TENM4: variants seen among roughly 807,000 people sequenced by gnomAD.
TENM4 encodes teneurin transmembrane protein 4.
Under a neutral mutation model 243.3 loss-of-function variants are expected in TENM4, and 82 were observed. The observed-to-expected ratio is 0.34, with a 90% CI of 0.28 to 0.40. The LOEUF (loss-of-function observed/expected upper bound fraction) is 0.40. Among genes scored for constraint, TENM4 ranks in the 10% least tolerant of loss-of-function variants. The pLI is 1.00. For synonymous variants in TENM4, 1,412 were observed against 1,456.3 expected (o/e 0.97, Z 0.69); for missense variants, 3,138 against 3,673.3 (o/e 0.85, Z 3.77).
At chr11:79,259,667 A>G (rs1224891672) in intron 2 of TENM4, among the ~76,000 whole-genome samples, 1 of 104,690 alleles carries the variant, frequency 9.6e-6, no homozygotes, top group Non-Finnish European at 1.9e-5. Flanking sequence ...CTATCCATCC[A>G]TCCATCCATC....
chr11:79,401,593 C>T (rs1858463049), intron 1 of TENM4, among the ~76,000 whole-genome samples: 1 of 152,240 alleles, frequency 6.6e-6, no homozygotes, highest in Non-Finnish European at 1.5e-5. Flanking sequence ...CCATTAGAGG[C>T]AACCACTAAT....
At chr11:78,745,800 C>T (rs775611339) in intron 19 of TENM4, among the ~76,000 whole-genome samples, 21 of 152,256 alleles carry the variant, frequency 1.4e-4, no homozygotes, top group Middle Eastern at 3.4e-3. Context: ...TTTTTGTATA[C>T]AAAATAAACT....
intron 6 of TENM4, among the ~76,000 whole-genome samples, chr11:78,989,130 T>A (rs1269609974): frequency 1.3e-5 from 2 of 152,248 alleles, no homozygotes; most frequent in African/African-American, 4.8e-5. Context: ...ATTTGCAACT[T>A]GTTTATTAAT....
At chr11:79,080,756 C>A (rs143798607) in intron 4 of TENM4, among the ~76,000 whole-genome samples, 1 of 152,286 alleles carries the variant, frequency 6.6e-6, no homozygotes, top group Non-Finnish European at 1.5e-5. Flanking sequence ...GTACTTCAGG[C>A]CCCAGGGAAA....
chr11:79,220,909 CT>C (rs1233756831), intron 2 of TENM4: 5 of 152,172 alleles, frequency 3.3e-5, no homozygotes, highest in African/African-American at 1.2e-4. Context: ...TAAGCAACAC[CT>C]TTAGGAGCAC....
chr11:78,810,325 A>G (rs1438762129), intron 14 of TENM4, among the ~76,000 whole-genome samples: 2 of 152,244 alleles, frequency 1.3e-5, no homozygotes, highest in East Asian at 3.9e-4. Context: ...AGTTCCAGAC[A>G]TTTTTTTCTC....
At chr11:78,794,490 G>A (rs547794003) in intron 15 of TENM4, among the ~76,000 whole-genome samples, 4 of 152,348 alleles carry the variant, frequency 2.6e-5, no homozygotes, top group African/African-American at 9.6e-5. Flanking sequence ...GCCCCCTGGC[G>A]AATGAGAGCG....
At chr11:78,826,718 A>C (rs976032877) in intron 12 of TENM4, among the ~76,000 whole-genome samples, 2 of 152,200 alleles carry the variant, frequency 1.3e-5, no homozygotes, top group African/African-American at 4.8e-5. Flanking sequence ...CAAAAATTTG[A>C]ATTAGTTGCC....
intron 28 of TENM4, among the ~76,000 whole-genome samples, chr11:78,690,971 C>A (rs946958518): frequency 6.6e-6 from 1 of 152,168 alleles, no homozygotes; most frequent in African/African-American, 2.4e-5. Flanking sequence ...CACTGCAAAG[C>A]CATTTGTGGA....
intron 1 of TENM4, among the ~76,000 whole-genome samples, chr11:79,371,637 C>G (rs762282702): frequency 5.9e-5 from 9 of 152,204 alleles, no homozygotes; most frequent in Non-Finnish European, 1.2e-4. Context: ...CCTAGCCATG[C>G]CCCTCCCCAG....
rs1031695663 is a variant in TENM4 at position 78,912,730 on chromosome 11, C to T, written c.494-9207G>A. ...AATTGAGGGAAGAACAGAGTTTTGG[C>T]AACTGCCAGAGAGAGGTGTAATCAA... On this transcript the variant is annotated intron_variant, in intron 6 of 33. Coordinates refer to ENST00000278550, the MANE Select transcript of TENM4 (RefSeq NM_001098816.3). Among the ~76,000 whole-genome samples the T allele has an allele frequency of 2.6e-5, 4 of 152,198 alleles. No homozygotes were observed. The East Asian group carries it at 7.7e-4, about 29-fold the overall frequency.
chr11:78,800,209 G>A (rs1857252542), intron 15 of TENM4, among the ~76,000 whole-genome samples: 1 of 152,190 alleles, frequency 6.6e-6, no homozygotes, highest in African/African-American at 2.4e-5. Flanking sequence ...TAAAGCACAA[G>A]GAAGGGGAGA....
chr11:79,009,960 G>A (rs745847186), intron 6 of TENM4, among the ~76,000 whole-genome samples: 5 of 152,224 alleles, frequency 3.3e-5, no homozygotes, highest in Admixed American at 1.3e-4. Context: ...ATAGTGATAA[G>A]TCTCATGAGA....
At chr11:78,998,183 C>A (rs1350499129) in intron 6 of TENM4, among the ~76,000 whole-genome samples, 3 of 152,192 alleles carry the variant, frequency 2.0e-5, no homozygotes, top group Non-Finnish European at 4.4e-5. Flanking sequence ...TCAATGGAAC[C>A]ACACCCAGGC....
At chr11:79,388,248 T>A (rs537620059) in intron 1 of TENM4, among the ~76,000 whole-genome samples, 1 of 152,266 alleles carries the variant, frequency 6.6e-6, no homozygotes, top group African/African-American at 2.4e-5. Context: ...GCACTAAAAT[T>A]ACAGAAAGAA....
At chr11:78,996,587 G>A (rs537776549) in intron 6 of TENM4, among the ~76,000 whole-genome samples, 80 of 152,288 alleles carry the variant, frequency 5.3e-4, no homozygotes, top group South Asian at 3.1e-3. Context: ...AGGATACCCA[G>A]AAGGGATAGG....
chr11:79,436,075 C>A (rs1219205675), intron 1 of TENM4, among the ~76,000 whole-genome samples: 5 of 152,102 alleles, frequency 3.3e-5, no homozygotes, highest in Non-Finnish European at 7.3e-5. Flanking sequence ...AATCTCCACC[C>A]AACAAATGCA....
At position 79,215,878 on chromosome 11, in the gene TENM4, A is replaced by G. The variant is rs1864043328; in HGVS notation, c.-233T>C. Reference sequence around the variant, plus strand: ...GCCCTGCAGCCCTCTCTCCAAGGCCATTGGATCCTGGAGGATGGTGCGGGA... The same window carrying G: ...GCCCTGCAGCCCTCTCTCCAAGGCCGTTGGATCCTGGAGGATGGTGCGGGA... On this transcript the variant is annotated 5_prime_UTR_variant, in exon 3 of 34. It removes an upstream start codon present in the reference 5' UTR. Coordinates refer to ENST00000278550, the MANE Select transcript of TENM4 (RefSeq NM_001098816.3). 2.0e-6 allele frequency: 2 copies of G among 984,716 alleles called. No individual in the cohort carries two copies. The highest frequency in any genetic ancestry group is 9.4e-5 in the South Asian group (2 of 21,266). 61.0% of individuals were successfully genotyped at this position (984,716 alleles called of 1,614,324 possible). A position where few individuals can be genotyped will look rare whatever the true frequency, so the allele number is the denominator to read the frequency against.
At chr11:79,414,751 CAG>C in intron 1 of TENM4, among the ~76,000 whole-genome samples, 1 of 152,280 alleles carries the variant, frequency 6.6e-6, no homozygotes, top group East Asian at 1.9e-4. Flanking sequence ...ACACAGATCA[CAG>C]AGAGAGGGGC....
Sources: allele counts gnomAD v4.1 joint callset (sites outside exome capture counted in the v4.1 genomes callset), GRCh38; gene constraint gnomAD v4.1.1; transcripts MANE v1.5; gene names NCBI Gene and HGNC (gene_info 2026-07-23, HGNC 2026-07-21).